DEPDC5: variants seen among roughly 807,000 people sequenced by gnomAD.
DEPDC5 encodes the protein DEP domain containing 5, GATOR1 subcomplex subunit, also known as GATOR1 complex protein DEPDC5.
DEPDC5 carries 73 observed loss-of-function variants against 217.3 expected under a neutral mutation model. The observed-to-expected ratio is 0.34, with a 90% CI of 0.28 to 0.41. The LOEUF is 0.41. Among genes scored for constraint, DEPDC5 ranks in the 10% least tolerant of loss-of-function variants. The pLI is 1.00. For missense variants in DEPDC5, 1,675 were observed against 2,070.1 expected (o/e 0.81, Z 3.70); for synonymous variants, 733 against 756.7 (o/e 0.97, Z 0.51).
chr22:31,890,396 T>G (rs1270545744), intron 38 of DEPDC5: 8 of 152,172 alleles, frequency 5.3e-5, no homozygotes, highest in Non-Finnish European at 1.0e-4. Context: ...ACATCACTAC[T>G]GAAAACCATA....
Position 31,766,595 on chromosome 22 carries a change from T to G in DEPDC5, c.290T>G (p.Leu97Arg), listed in dbSNP as rs755132557. The G allele has an allele frequency of 6.2e-7, 1 of 1,613,918 alleles. No individual in the cohort carries two copies. The highest frequency in any genetic ancestry group is 1.7e-5 in the Admixed American group (1 of 59,978). The change falls in exon 6 of 43, where the codon CTT (leucine) becomes CGT (arginine). Residue 97 changes from leucine to arginine, a missense_variant. By Grantham distance (102) the Leu-to-Arg change is moderately radical. Coordinates refer to ENST00000651528, the MANE Select transcript of DEPDC5 (RefSeq NM_001242896.3). ...GATTATTCCTTTTAGGATGTGACCC[T>G]TGACCTAGTGGAATTAACTTTTAAG... Reference protein sequence around the residue: ...VNVVDPKDVTLDLVELTFKDQ... With the variant: ...VNVVDPKDVTRDLVELTFKDQ...
At chr22:31,885,550 C>T (rs1408595485) in intron 38 of DEPDC5, among the ~76,000 whole-genome samples, 2 of 150,954 alleles carry the variant, frequency 1.3e-5, no homozygotes, top group South Asian at 2.1e-4. Flanking sequence ...ACAGTGAAAC[C>T]CCATCTCTAC....
rs140938097 is a variant in DEPDC5, at chr22:31,832,862, G to C, written c.2105-1053G>C. On this transcript the variant is annotated intron_variant, in intron 24 of 42. Coordinates refer to ENST00000651528, the MANE Select transcript of DEPDC5 (RefSeq NM_001242896.3). ...ATTTGCAAGTGCTTTCTGTCATGTT[G>C]TAGATTGTTTTTTCAAAGCTTTCAC... Among the ~76,000 whole-genome samples, 276 of 152,254 alleles carry C rather than the reference G, an allele frequency of 1.8e-3. 1 individual carries two copies. The highest frequency in any genetic ancestry group is 6.1e-3 in the African/African-American group (252 of 41,562).
At chr22:31,765,309 T>G (rs912810552) in intron 5 of DEPDC5, among the ~76,000 whole-genome samples, 2 of 152,076 alleles carry the variant, frequency 1.3e-5, no homozygotes, top group Non-Finnish European at 2.9e-5. Flanking sequence ...TTCTTTTTTT[T>G]GAAATGGAGT....
At chr22:31,758,115 G>T (rs938229462) in intron 2 of DEPDC5, among the ~76,000 whole-genome samples, 1 of 152,090 alleles carries the variant, frequency 6.6e-6, no homozygotes, top group Non-Finnish European at 1.5e-5. Flanking sequence ...TATTGTGACG[G>T]TCACATTAAG....
chr22:31,827,786 C>G (rs1467544299), intron 24 of DEPDC5, among the ~76,000 whole-genome samples: 1 of 152,216 alleles, frequency 6.6e-6, no homozygotes, highest in East Asian at 1.9e-4. Flanking sequence ...TTGTTCGCCC[C>G]TCTGCTGTGC....
chr22:31,790,745 T>TC (rs2085521343), intron 10 of DEPDC5, among the ~76,000 whole-genome samples: 13 of 145,082 alleles, frequency 9.0e-5, no homozygotes, highest in African/African-American at 3.4e-4. Flanking sequence ...CTTTTTTTTT[T>TC]TCTTTTTTTT....
In DEPDC5 at chr22:31,836,981, T is replaced by C. The variant is rs1569059918; in HGVS notation, c.2180T>C (p.Leu727Pro). 1.3e-6 allele frequency: 2 copies of C among 1,562,190 alleles called. No homozygotes were observed. The highest frequency in any genetic ancestry group is 2.4e-5 in the East Asian group (1 of 41,578). Residue 727 changes from leucine to proline, a missense_variant, in exon 26 of 43, where the codon CTG (leucine) becomes CCG (proline). This residue lies in a region of DEPDC5 where 136 missense variants were observed against 132.2 expected (regional missense o/e 1.03). Coordinates refer to ENST00000651528, the MANE Select transcript of DEPDC5 (RefSeq NM_001242896.3). The stretch of plus-strand genomic sequence containing the variant: ...CTGTTACGTGAGGCAGTTCTGACAC[T>C]GTCTGCTCCCCCTGTAGTGCCAGGC... ...VSTSPDPILT[L>P]SAPPVVPGFC...
chr22:31,777,052 T>C (rs1433663301), intron 7 of DEPDC5, among the ~76,000 whole-genome samples: 1 of 151,308 alleles, frequency 6.6e-6, no homozygotes, highest in Admixed American at 6.6e-5. Flanking sequence ...AACCTCCGCC[T>C]CCTGGGTTCA....
In DEPDC5 at chr22:31,798,589, T is replaced by C. The variant is rs1335286901; in HGVS notation, c.879T>C (p.Phe293=). ...TTGCATATTTTGCTTCAGAGGGCTTTCCTCAAGGAGATAATTCTACCTCAG... is the reference window on the plus strand; with the variant it reads ...TTGCATATTTTGCTTCAGAGGGCTTCCCTCAAGGAGATAATTCTACCTCAG... ...VLVRLEQAEG[F]PQGDNSTSAQ... Residue 293 remains phenylalanine (F), a synonymous_variant, in exon 14 of 43, where the codon TTT becomes TTC. Transcript: ENST00000651528. The C allele has an allele frequency of 3.1e-6, 5 of 1,610,492 alleles. No individual in the cohort carries two copies. In the Admixed American group the frequency reaches 8.4e-5, roughly 27 times the overall value.
chr22:31,823,288 G>T (rs2089867681), intron 24 of DEPDC5: 1 of 154,246 alleles, frequency 6.5e-6, no homozygotes, highest in African/African-American at 2.4e-5. Context: ...CTAGCACTTT[G>T]GGAGCCTGAG....
chr22:31,815,096 G>A lies in DEPDC5; in HGVS notation c.1550G>A (p.Arg517Lys), dbSNP rs765781653. ...CGCACACTGCCCACTGAGGAAGTGAGGAGCCAGGCTTCTGACGACAGCTCC... is the reference window on the plus strand; with the variant it reads ...CGCACACTGCCCACTGAGGAAGTGAAGAGCCAGGCTTCTGACGACAGCTCC... ...PSRTLPTEEVRSQASDDSSLG... is the reference protein window; with the variant it reads ...PSRTLPTEEVKSQASDDSSLG... Residue 517 changes from arginine to lysine, a missense_variant, in exon 21 of 43, where the codon AGG (arginine) becomes AAG (lysine). Arg to Lys is a conservative substitution (Grantham distance 26). This residue lies in a region of DEPDC5 where 628 missense variants were observed against 762.1 expected (regional missense o/e 0.82). Coordinates refer to ENST00000651528, the MANE Select transcript of DEPDC5 (RefSeq NM_001242896.3). The A allele has an allele frequency of 1.2e-5, 20 of 1,614,096 alleles. No individual in the cohort carries two copies. The highest frequency in any genetic ancestry group is 1.0e-5 in the Non-Finnish European group (12 of 1,180,044).
At chr22:31,851,947 T>C (rs954864216) in intron 31 of DEPDC5, among the ~76,000 whole-genome samples, 2 of 152,092 alleles carry the variant, frequency 1.3e-5, no homozygotes, top group Admixed American at 6.6e-5. Context: ...TCCCAGCACG[T>C]TGGGAGACTG....
chr22:31,822,405 G>GGGCATAGGGA (rs570614095), intron 23 of DEPDC5, among the ~76,000 whole-genome samples: 1 of 152,044 alleles, frequency 6.6e-6, no homozygotes, highest in Non-Finnish European at 1.5e-5. Context: ...GGGAGGCATA[G>GGGCATAGGGA]GGCATAGGGA....
chr22:31,772,397 C>T (rs2083442167), intron 7 of DEPDC5, among the ~76,000 whole-genome samples: 1 of 152,100 alleles, frequency 6.6e-6, no homozygotes, highest in African/African-American at 2.4e-5. Flanking sequence ...GGTCAGGAAG[C>T]CTGGATCTGT....
At chr22:31,857,356 G>A (rs1329532337) in intron 31 of DEPDC5, 89 bp from the exon 32 acceptor site, 8 of 1,071,764 alleles carry the variant, frequency 7.5e-6, no homozygotes, top group Non-Finnish European at 1.1e-5. Context: ...AAAGATGACA[G>A]CAACAGAGCT....
At chr22:31,821,027 A>G (rs1454616774) in intron 22 of DEPDC5, among the ~76,000 whole-genome samples, 1 of 152,246 alleles carries the variant, frequency 6.6e-6, no homozygotes, top group Non-Finnish European at 1.5e-5. Flanking sequence ...CTTTCCCAGG[A>G]AGCCTCATTT....
chr22:31,797,553 A>G (rs2086385909), intron 12 of DEPDC5, 47 bp from the exon 13 acceptor site: 4 of 1,523,162 alleles, frequency 2.6e-6, no homozygotes, highest in Non-Finnish European at 3.6e-6. Flanking sequence ...ACAGAGCCAA[A>G]CCATATCAGC....
chr22:31,771,060 G>T (rs2083310694), intron 7 of DEPDC5, among the ~76,000 whole-genome samples: 1 of 152,092 alleles, frequency 6.6e-6, no homozygotes, highest in Non-Finnish European at 1.5e-5. Context: ...TGGGATTATA[G>T]GCGTTGAGCC....
Sources: allele counts gnomAD v4.1 joint callset (sites outside exome capture counted in the v4.1 genomes callset), GRCh38; gene constraint gnomAD v4.1.1; regional missense constraint gnomAD v4.1.1; transcripts MANE v1.5; gene names NCBI Gene and HGNC (gene_info 2026-07-23, HGNC 2026-07-21).